The following FRRS1L variants were observed in gnomAD, a reference collection of about 807,000 sequenced individuals.
FRRS1L encodes ferric chelate reductase 1 like.
A neutral mutation model predicts 28.6 loss-of-function variants in FRRS1L; 22 were observed. That is an observed-to-expected ratio of 0.77 (90% CI 0.55 to 1.10). The LOEUF is 1.10. FRRS1L is among the 50% of genes least tolerant of loss of function. The pLI is 0.00. For missense variants in FRRS1L, 380 were observed against 386.9 expected (o/e 0.98, Z 0.15); for synonymous variants, 158 against 151.4 (o/e 1.04, Z -0.32).
chr9:109,151,126 C>A (rs1183768067), intron 1 of FRRS1L: 6 of 152,168 alleles, frequency 3.9e-5, no homozygotes, highest in Non-Finnish European at 8.8e-5. Flanking sequence ...TTTTTACTAT[C>A]CTGGACCTTG....
chr9:109,158,008 C>T (rs1159568495), intron 1 of FRRS1L, among the ~76,000 whole-genome samples: 4 of 152,108 alleles, frequency 2.6e-5, no homozygotes, highest in Admixed American at 2.6e-4. Flanking sequence ...TCTGGTTTTG[C>T]TAATAAGGTT....
chr9:109,164,056 C>A (rs1831512699), intron 1 of FRRS1L, among the ~76,000 whole-genome samples: 2 of 152,206 alleles, frequency 1.3e-5, no homozygotes, highest in Non-Finnish European at 2.9e-5. Flanking sequence ...GGCAACCCCT[C>A]CTCAGCCCCC....
Position 109,167,216 on chromosome 9 carries a change from C to G in FRRS1L, c.-78G>C. The G allele has an allele frequency of 5.3e-6, 7 of 1,332,892 alleles. No homozygotes were observed. Among genetic ancestry groups the G allele is most frequent in the Non-Finnish European group, 6.7e-6 (7 of 1,037,820 alleles). The allele number at this position is 1,332,892 out of a possible 1,614,324, so 82.6% of individuals were successfully genotyped here. On this transcript the variant is annotated 5_prime_UTR_variant, in exon 1 of 5. Transcript: ENST00000561981. ...CGGGCGCGGGCCGGGACTGAGCCTC[C>G]GCCGAGGCCACCAGCACGCGCCCGC... is the stretch of plus-strand genomic sequence containing the variant.
At chr9:109,154,682 A>G (rs1163014628) in intron 1 of FRRS1L, among the ~76,000 whole-genome samples, 1 of 152,024 alleles carries the variant, frequency 6.6e-6, no homozygotes, top group Non-Finnish European at 1.5e-5. Flanking sequence ...TCCATCACTA[A>G]CTCCATTTTC....
chr9:109,136,964 T>C lies in FRRS1L; in HGVS notation c.*491A>G, dbSNP rs375028057. The C allele has an allele frequency of 1.3e-5, 2 of 152,286 alleles. No individual in the cohort carries two copies. The highest frequency in any genetic ancestry group is 2.4e-5 in the African/African-American group (1 of 41,476). The allele number at this position is 152,286 out of a possible 1,614,324, so 9.4% of individuals were successfully genotyped here. A position where few individuals can be genotyped will look rare whatever the true frequency, so the allele number is the denominator to read the frequency against. On this transcript the variant is annotated 3_prime_UTR_variant, in exon 5 of 5. Coordinates refer to ENST00000561981, the MANE Select transcript of FRRS1L (RefSeq NM_014334.4). ...GCCCAAAAGGCTGACTGTGAACTTA[T>C]GACATTCAGTAAAGTTCTCCCTAGT...
chr9:109,154,008 G>A (rs943929777), intron 1 of FRRS1L, among the ~76,000 whole-genome samples: 1 of 152,014 alleles, frequency 6.6e-6, no homozygotes, highest in Non-Finnish European at 1.5e-5. Flanking sequence ...AAAGAGGACT[G>A]TTCCTTCCTG....
chr9:109,145,664 ACAT>A (rs1329769767), intron 3 of FRRS1L, among the ~76,000 whole-genome samples: 3 of 152,142 alleles, frequency 2.0e-5, no homozygotes, highest in Non-Finnish European at 4.4e-5. Context: ...CAGTGAGCCG[ACAT>A]CATGCCATTG....
intron 1 of FRRS1L, chr9:109,151,354 G>C (rs970997548): frequency 6.5e-6 from 1 of 152,930 alleles, no homozygotes; most frequent in Admixed American, 6.5e-5. Flanking sequence ...GCAAGCAAGC[G>C]AAGCTTCACC....
Position 109,166,984 on chromosome 9 carries a change from G to A in FRRS1L, c.155C>T (p.Ala52Val). 7.7e-7 allele frequency: 1 copy of A among 1,294,516 alleles called. No individual in the cohort carries two copies. Among genetic ancestry groups the A allele is most frequent in the Non-Finnish European group, 9.8e-7 (1 of 1,015,938 alleles). 80.2% of individuals were successfully genotyped at this position (1,294,516 alleles called of 1,614,324 possible). The change falls in exon 1 of 5, where the codon GCC (alanine) becomes GTC (valine). Residue 52 changes from alanine to valine, a missense_variant. Ala to Val is a moderately conservative substitution (Grantham distance 64). Transcript: ENST00000561981. ...PRGRARGDTG[A>V]DEAVPRHDSS... ...GTCGTGGCGCGGCACCGCCTCGTCG[G>A]CGCCCGTGTCCCCCCGCGCGCGTCC...
rs2118482407 is a variant in FRRS1L at position 109,147,167 on chromosome 9, C to A, written c.346G>T (p.Ala116Ser). ...CFRYGKPGCN[A>S]ETCDYFLSYR... ...CTGAGGAAATAGTCACAGGTCTCTG[C>A]ATTACAGCCTGGTTTGCCATATCTA... is the stretch of plus-strand genomic sequence containing the variant. Residue 116 changes from alanine to serine, a missense_variant, in exon 3 of 5, where the codon GCA (alanine) becomes TCA (serine). By Grantham distance (99) the Ala-to-Ser change is moderately conservative. Transcript: ENST00000561981. The A allele has an allele frequency of 1.9e-6, 3 of 1,613,706 alleles. No homozygotes were observed. Among genetic ancestry groups the A allele is most frequent in the East Asian group, 2.2e-5 (1 of 44,890 alleles).
Position 109,137,096 on chromosome 9 carries a change from C to T in FRRS1L, c.*359G>A, listed in dbSNP as rs1213822408. ...CTGCCTTTCTATTTGTCATTTCTAG[C>T]CAAAGTTATATGGTATGTGGATCAT... On this transcript the variant is annotated 3_prime_UTR_variant, in exon 5 of 5. Coordinates refer to ENST00000561981, the MANE Select transcript of FRRS1L (RefSeq NM_014334.4). 1 of 155,714 alleles carries T rather than the reference C, an allele frequency of 6.4e-6. No homozygotes were observed. Among genetic ancestry groups the T allele is most frequent in the East Asian group, 1.8e-4 (1 of 5,410 alleles). The allele number at this position is 155,714 out of a possible 1,614,324, so 9.6% of individuals were successfully genotyped here. A position where few individuals can be genotyped will look rare whatever the true frequency, so the allele number is the denominator to read the frequency against.
At chr9:109,161,822 C>T (rs1831483757) in intron 1 of FRRS1L, among the ~76,000 whole-genome samples, 1 of 152,200 alleles carries the variant, frequency 6.6e-6, no homozygotes, top group Non-Finnish European at 1.5e-5. Context: ...AGTCTCTTTC[C>T]CGACGGCCTC....
At chr9:109,145,345 G>A (rs962271430) in intron 3 of FRRS1L, among the ~76,000 whole-genome samples, 3 of 152,172 alleles carry the variant, frequency 2.0e-5, no homozygotes, top group Non-Finnish European at 4.4e-5. Context: ...TAAAACTGTT[G>A]AAACAAATTC....
At chr9:109,158,549 T>C (rs1406192858) in intron 1 of FRRS1L, among the ~76,000 whole-genome samples, 2 of 152,202 alleles carry the variant, frequency 1.3e-5, no homozygotes, top group Non-Finnish European at 2.9e-5. Context: ...CTCTATGGAT[T>C]TGCTTATTCT....
rs1329528113 is a variant in FRRS1L, at chr9:109,132,611, G to T, written c.*4844C>A. The T allele has an allele frequency of 6.6e-6, 1 of 152,076 alleles. No individual in the cohort carries two copies. The highest frequency in any genetic ancestry group is 6.5e-5 in the Admixed American group (1 of 15,270). 9.4% of individuals were successfully genotyped at this position (152,076 alleles called of 1,614,324 possible). On this transcript the variant is annotated 3_prime_UTR_variant, in exon 5 of 5. Transcript: ENST00000561981. ...GGCAGTATCCTTTACAACTAATCAT[G>T]ATATATTGGTGTGTCCCTATCTAAG... is the stretch of plus-strand genomic sequence containing the variant.
At chr9:109,163,472 G>C (rs1483558374) in intron 1 of FRRS1L, among the ~76,000 whole-genome samples, 2 of 152,130 alleles carry the variant, frequency 1.3e-5, no homozygotes, top group Non-Finnish European at 2.9e-5. Flanking sequence ...AAAGAATTCT[G>C]AACACTAGCA....
At chr9:109,164,117 T>C (rs1831513584) in intron 1 of FRRS1L, among the ~76,000 whole-genome samples, 1 of 152,190 alleles carries the variant, frequency 6.6e-6, no homozygotes, top group South Asian at 2.1e-4. Context: ...GGAAAGTCTC[T>C]ATTCAGGACC....
chr9:109,141,471 T>C lies in FRRS1L; in HGVS notation c.581A>G (p.Glu194Gly). 4 of 1,614,160 alleles carry C rather than the reference T, an allele frequency of 2.5e-6. No homozygotes were observed. The highest frequency in any genetic ancestry group is 3.4e-6 in the Non-Finnish European group (4 of 1,180,018). ...GACGCGATTGTTCTCAAAAACTCCT[T>C]CTTCATCTCTGGCAGGGTTTCTCTG... is the stretch of plus-strand genomic sequence containing the variant. ...EIQRNPARDE[E>G]GVFENNRVTC... Residue 194 changes from glutamate (E) to glycine (G), a missense_variant, in exon 4 of 5, where the codon GAA becomes GGA. By Grantham distance (98) the Glu-to-Gly change is moderately conservative. Transcript: ENST00000561981.
chr9:109,138,699 C>T (rs3750464), intron 4 of FRRS1L: 2,623 of 151,836 alleles, frequency 0.017, 129 homozygotes, highest in Admixed American at 0.097. Flanking sequence ...GGTAACAGAG[C>T]AGACTTTTCT....
Sources: gnomAD v4.1 joint callset for allele counts (sites outside exome capture counted in the v4.1 genomes callset) on GRCh38, gnomAD v4.1.1 for gene constraint, MANE v1.5 for transcripts, NCBI Gene and HGNC (gene_info 2026-07-23, HGNC 2026-07-21) for gene names.